MSI2: variants seen among roughly 807,000 people sequenced by gnomAD.
MSI2 encodes the protein RNA-binding protein Musashi homolog 2.
MSI2 carries 17 observed loss-of-function variants against 45.6 expected under a neutral mutation model. The ratio of observed to expected loss-of-function variants is 0.37; its 90% confidence interval spans 0.26 to 0.56. The LOEUF is 0.56. Among genes scored for constraint, MSI2 ranks in the 20% least tolerant of loss-of-function variants. The pLI is 0.77. For missense variants in MSI2, 293 were observed against 444.2 expected (o/e 0.66, Z 3.06); for synonymous variants, 156 against 158.2 (o/e 0.99, Z 0.11).
At chr17:57,521,368 T>G (rs2086580579) in intron 6 of MSI2, among the ~76,000 whole-genome samples, 1 of 152,180 alleles carries the variant, frequency 6.6e-6, no homozygotes, top group Non-Finnish European at 1.5e-5. Context: ...GGGGTTATTG[T>G]GACCACGAAA....
rs7223884 is a variant in MSI2 at position 57,280,363 on chromosome 17, G to A, written c.312+18171G>A. Among the ~76,000 whole-genome samples, 20,248 of 152,032 alleles carry A rather than the reference G, an allele frequency of 0.13. 3,853 individuals are homozygous for A. The highest frequency in any genetic ancestry group is 0.42 in the African/African-American group (17,387 of 41,312). On this transcript the variant is annotated intron_variant, in intron 5 of 13. Coordinates refer to ENST00000284073, the MANE Select transcript of MSI2 (RefSeq NM_138962.4). This position sits in a 1 kb window ranked among gnomAD's most constrained non-coding sequence, Gnocchi z 4.2. ...CCCAGGGGGCTGTGGGGGAATCAGTGAGTAAGTTGTTGTGGTGATCCACTT... is the reference window on the plus strand; with the variant it reads ...CCCAGGGGGCTGTGGGGGAATCAGTAAGTAAGTTGTTGTGGTGATCCACTT...
chr17:57,451,044 G>T (rs914363881), intron 6 of MSI2, among the ~76,000 whole-genome samples: 1 of 152,108 alleles, frequency 6.6e-6, no homozygotes, highest in South Asian at 2.1e-4. Flanking sequence ...AAGCTTCCTC[G>T]ATTGCTCATA....
chr17:57,580,598 GC>G (rs1381951331), intron 7 of MSI2, among the ~76,000 whole-genome samples: 1 of 152,190 alleles, frequency 6.6e-6, no homozygotes, highest in African/African-American at 2.4e-5. Context: ...CCACCATCAG[GC>G]CAGGCTAAAG....
chr17:57,361,079 G>A (rs1475696479), intron 5 of MSI2, among the ~76,000 whole-genome samples: 1 of 152,146 alleles, frequency 6.6e-6, no homozygotes, highest in Admixed American at 6.5e-5. Context: ...TGAGTGGGGG[G>A]TATGTTGTGC....
intron 7 of MSI2, among the ~76,000 whole-genome samples, chr17:57,537,342 T>G (rs1430273131): frequency 1.3e-5 from 2 of 152,054 alleles, no homozygotes; most frequent in Non-Finnish European, 2.9e-5. Context: ...CCCTGTAACC[T>G]TGCAGCGATG....
At chr17:57,361,559 A>G (rs964175964) in intron 5 of MSI2, among the ~76,000 whole-genome samples, 12 of 151,490 alleles carry the variant, frequency 7.9e-5, no homozygotes, top group Non-Finnish European at 1.5e-4. Context: ...TTGAGGCAAG[A>G]TCATGCCACT....
At chr17:57,341,194 G>T (rs1915115745) in intron 5 of MSI2, among the ~76,000 whole-genome samples, 2 of 152,186 alleles carry the variant, frequency 1.3e-5, no homozygotes, top group African/African-American at 4.8e-5. Flanking sequence ...ACAGAGCTGG[G>T]AAGGATGCTG....
intron 5 of MSI2, among the ~76,000 whole-genome samples, chr17:57,311,787 C>T (rs1440077313): frequency 3.3e-5 from 5 of 152,050 alleles, no homozygotes; most frequent in African/African-American, 1.2e-4. Context: ...AACTCCTGGC[C>T]TCAAGCGATA....
At chr17:57,395,883 C>T (rs2083879083) in intron 5 of MSI2, among the ~76,000 whole-genome samples, 1 of 152,190 alleles carries the variant, frequency 6.6e-6, no homozygotes, top group African/African-American at 2.4e-5. Flanking sequence ...CCTGCCTTGC[C>T]TTTAACTAGC....
intron 6 of MSI2, among the ~76,000 whole-genome samples, chr17:57,412,881 G>T (rs1299218450): frequency 6.6e-6 from 1 of 152,184 alleles, no homozygotes; most frequent in Non-Finnish European, 1.5e-5. Context: ...GTAACCTTGG[G>T]CAGGTCATTT....
chr17:57,328,484 T>TA (rs1233159287), intron 5 of MSI2, among the ~76,000 whole-genome samples: 4 of 152,226 alleles, frequency 2.6e-5, no homozygotes, highest in Non-Finnish European at 5.9e-5. Flanking sequence ...TTTCTCCTCT[T>TA]AAAAAATTAG....
chr17:57,633,287 C>T (rs1410337649), intron 10 of MSI2: 1 of 693,472 alleles, frequency 1.4e-6, no homozygotes, highest in African/African-American at 1.9e-5. Flanking sequence ...AGTGCAGTTT[C>T]TAAAAGCATG....
At chr17:57,607,192 ATGT>A (rs1453314712) in intron 8 of MSI2, among the ~76,000 whole-genome samples, 9 of 152,292 alleles carry the variant, frequency 5.9e-5, no homozygotes, top group Non-Finnish European at 1.0e-4. Context: ...AATTACAAGG[ATGT>A]TGTGGCTGTG....
chr17:57,405,393 C>T (rs1276666720), intron 6 of MSI2, among the ~76,000 whole-genome samples: 1 of 152,086 alleles, frequency 6.6e-6, no homozygotes, highest in African/African-American at 2.4e-5. Context: ...GTCTGTGGAC[C>T]ATAGTTTGCT....
At chr17:57,678,634 CA>C (rs1304634673) in intron 13 of MSI2, among the ~76,000 whole-genome samples, 1 of 150,920 alleles carries the variant, frequency 6.6e-6, no homozygotes, top group Non-Finnish European at 1.5e-5. Context: ...CCCACAGCTC[CA>C]TATAACCCCA....
intron 6 of MSI2, among the ~76,000 whole-genome samples, chr17:57,411,506 A>C (rs1464333791): frequency 6.6e-6 from 1 of 152,134 alleles, no homozygotes; most frequent in East Asian, 1.9e-4. Context: ...GTGAGGTAGG[A>C]TAATTATCCC....
intron 6 of MSI2, among the ~76,000 whole-genome samples, chr17:57,429,914 C>G (rs765963819): frequency 4.6e-5 from 7 of 152,130 alleles, no homozygotes; most frequent in Non-Finnish European, 1.0e-4. Context: ...CATTCTTGCC[C>G]CCATCACTTC....
At chr17:57,446,176 T>C (rs1485968778) in intron 6 of MSI2, among the ~76,000 whole-genome samples, 1 of 152,022 alleles carries the variant, frequency 6.6e-6, no homozygotes, top group Non-Finnish European at 1.5e-5. Flanking sequence ...AGGGTGTCGA[T>C]TTAGGCATAG....
Position 57,280,196 on chromosome 17 carries a change from T to C in MSI2, c.312+18004T>C, listed in dbSNP as rs1291902957. On this transcript the variant is annotated intron_variant, in intron 5 of 13. Coordinates refer to ENST00000284073, the MANE Select transcript of MSI2 (RefSeq NM_138962.4). The surrounding 1 kb of genome is among the most constrained non-coding windows in gnomAD (Gnocchi z 4.2). ...GGGGACAGGCGAGGTCACACTTGCGTTGGCGGGGATAAAAATTCTTATCTT... is the reference window on the plus strand; with the variant it reads ...GGGGACAGGCGAGGTCACACTTGCGCTGGCGGGGATAAAAATTCTTATCTT... 6.6e-6 allele frequency among the ~76,000 whole-genome samples: 1 copy of C among 151,740 alleles called. No homozygotes were observed. The highest frequency in any genetic ancestry group is 2.4e-5 in the African/African-American group (1 of 41,290).
Sources: gnomAD v4.1 joint callset for allele counts (sites outside exome capture counted in the v4.1 genomes callset) on GRCh38, gnomAD v4.1.1 for gene constraint, Gnocchi (gnomAD v3.1) non-coding constraint, MANE v1.5 for transcripts, NCBI Gene and HGNC (gene_info 2026-07-23, HGNC 2026-07-21) for gene names.